DOCK5: variants seen among roughly 807,000 people sequenced by gnomAD.
DOCK5 encodes dedicator of cytokinesis 5.
In DOCK5, 142 loss-of-function variants were observed where a neutral mutation model predicts 251.8. The observed-to-expected ratio is 0.56, with a 90% CI of 0.49 to 0.65. DOCK5 has a LOEUF of 0.65. Ranked by LOEUF, DOCK5 falls within the 30% of genes least tolerant of loss-of-function variation. The probability of loss-of-function intolerance (pLI) is 0.00; values close to 1 mark genes in which losing one functional copy is unlikely to be tolerated. For synonymous variants in DOCK5, 842 were observed against 835.5 expected, an observed-to-expected ratio of 1.01 and a Z score of -0.13; for missense variants, 2,111 against 2,312.3, an observed-to-expected ratio of 0.91 and a Z score of 1.79.
intron 3 of DOCK5, among the ~76,000 whole-genome samples, chr8:25,273,913 C>T (rs901470301): frequency 4.6e-5 from 7 of 152,128 alleles, no homozygotes; most frequent in Non-Finnish European, 7.3e-5. Flanking sequence ...TCATCAGTAA[C>T]GGGATTAGAA....
chr8:25,252,968 A>C (rs1406714455), intron 2 of DOCK5, among the ~76,000 whole-genome samples: 1 of 152,110 alleles, frequency 6.6e-6, no homozygotes, highest in African/African-American at 2.4e-5. Context: ...AGTAGCTGGG[A>C]TTACAGGCAC....
chr8:25,410,939 A>ATG (rs763758410), intron 51 of DOCK5, among the ~76,000 whole-genome samples: 8 of 102,062 alleles, frequency 7.8e-5, no homozygotes, highest in African/African-American at 2.6e-4. Context: ...GAGAGAGAAA[A>ATG]TGTGTGTGTG....
At chr8:25,266,260 G>A (rs1803746171) in intron 2 of DOCK5, among the ~76,000 whole-genome samples, 1 of 150,630 alleles carries the variant, frequency 6.6e-6, no homozygotes, top group African/African-American at 2.5e-5. Context: ...CTTTCACCCA[G>A]GCCAGAGTGC....
At chr8:25,213,669 C>A (rs547449162) in intron 1 of DOCK5, among the ~76,000 whole-genome samples, 1 of 152,182 alleles carries the variant, frequency 6.6e-6, no homozygotes, top group Non-Finnish European at 1.5e-5. Context: ...TCCTCACCCC[C>A]CAAAGAAAAG....
In DOCK5 at chr8:25,332,675, C is replaced by T. The variant is rs766028471; in HGVS notation, c.2074C>T (p.Leu692Phe). ...EMSDSETYDF[L>F]VFDALVFIIS... ...GTCAGACAGTGAAACCTATGACTTCCTTGTGTTTGACGCACTGGTAAGCAG... is the reference window on the plus strand; with the variant it reads ...GTCAGACAGTGAAACCTATGACTTCTTTGTGTTTGACGCACTGGTAAGCAG... Residue 692 changes from leucine to phenylalanine, a missense_variant, in exon 20 of 52, where the codon CTT (leucine) becomes TTT (phenylalanine). Leu to Phe is a conservative substitution (Grantham distance 22, BLOSUM62 0). Transcript: ENST00000276440. 2 of 1,612,106 alleles carry T rather than the reference C, an allele frequency of 1.2e-6. No homozygotes were observed. The highest frequency in any genetic ancestry group is 1.7e-6 in the Non-Finnish European group (2 of 1,179,202).
At chr8:25,190,908 C>T (rs922081241) in intron 1 of DOCK5, among the ~76,000 whole-genome samples, 122 of 151,528 alleles carry the variant, frequency 8.1e-4, no homozygotes, top group Non-Finnish European at 2.7e-4. Context: ...CTCAGCCTCC[C>T]GCATAGCTGT....
intron 1 of DOCK5, among the ~76,000 whole-genome samples, chr8:25,187,963 T>C (rs1157072697): frequency 6.6e-6 from 1 of 152,218 alleles, no homozygotes; most frequent in Non-Finnish European, 1.5e-5. Context: ...TCCTGGACTG[T>C]GCCATCCTTG....
chr8:25,188,432 G>T (rs1327937057), intron 1 of DOCK5, among the ~76,000 whole-genome samples: 1 of 152,230 alleles, frequency 6.6e-6, no homozygotes, highest in African/African-American at 2.4e-5. Context: ...GACTTTGCCT[G>T]TTGTGCTCTA....
chr8:25,344,169 G>T (rs1202514925), intron 25 of DOCK5, among the ~76,000 whole-genome samples: 1 of 152,186 alleles, frequency 6.6e-6, no homozygotes, highest in Non-Finnish European at 1.5e-5. Flanking sequence ...TGCTGGGAGA[G>T]GAGTGGGGCA....
intron 2 of DOCK5, among the ~76,000 whole-genome samples, chr8:25,251,717 G>A (rs923543769): frequency 2.6e-5 from 4 of 152,136 alleles, no homozygotes; most frequent in African/African-American, 9.7e-5. Flanking sequence ...GGCTGGGTGC[G>A]GTAGCTCATG....
chr8:25,267,549 A>G (rs961588640), intron 2 of DOCK5, among the ~76,000 whole-genome samples: 4 of 152,190 alleles, frequency 2.6e-5, no homozygotes, highest in Non-Finnish European at 5.9e-5. Flanking sequence ...AGATGCCAGA[A>G]GTTTTAATTA....
In DOCK5 at chr8:25,306,507, C is replaced by CCATCCTGGCTAA. The variant is rs557771978; in HGVS notation, c.1049+2182_1049+2183insTCCTGGCTAACA. Among the ~76,000 whole-genome samples the CCATCCTGGCTAA allele has an allele frequency of 1.7e-4, 26 of 151,954 alleles. No individual in the cohort carries two copies. The East Asian group carries it at 2.7e-3, about 16-fold the overall frequency. ...AGATCACAAGGTCAGGAGATCGAGA[C>CCATCCTGGCTAA]CACGGTGAAACCCTGTCTCTACTAA... On this transcript the variant is annotated intron_variant, in intron 11 of 51. Transcript: ENST00000276440.
intron 2 of DOCK5, among the ~76,000 whole-genome samples, chr8:25,260,810 T>A (rs988149156): frequency 3.3e-5 from 5 of 150,772 alleles, no homozygotes; most frequent in East Asian, 1.9e-4. Flanking sequence ...TTTTTTTTTT[T>A]AAACGGACAG....
At chr8:25,316,024 C>T (rs1047168074) in intron 13 of DOCK5, among the ~76,000 whole-genome samples, 2 of 151,960 alleles carry the variant, frequency 1.3e-5, no homozygotes, top group Non-Finnish European at 2.9e-5. Context: ...ACATTTATTC[C>T]AAGTTTCTTT....
chr8:25,378,139 C>T lies in DOCK5; in HGVS notation c.3936+715C>T, dbSNP rs183852309. 4.5e-4 allele frequency among the ~76,000 whole-genome samples: 68 copies of T among 152,268 alleles called. No individual in the cohort carries two copies. In the East Asian group the frequency reaches 9.8e-3, roughly 22 times the overall value. ...TTGTCCCTGAAGATTGGGCTGATATCGCATGGCTCACAGCCCTAACCTTCT... is the reference window on the plus strand; with the variant it reads ...TTGTCCCTGAAGATTGGGCTGATATTGCATGGCTCACAGCCCTAACCTTCT... On this transcript the variant is annotated intron_variant, in intron 38 of 51. Coordinates refer to ENST00000276440, the MANE Select transcript of DOCK5 (RefSeq NM_024940.8).
intron 5 of DOCK5, among the ~76,000 whole-genome samples, chr8:25,280,288 G>T (rs1804156788): frequency 6.6e-6 from 1 of 152,118 alleles, no homozygotes; most frequent in African/African-American, 2.4e-5. Flanking sequence ...GGCTTTGTTT[G>T]TCTCAATTTT....
At chr8:25,308,297 T>G (rs962103007) in intron 11 of DOCK5, among the ~76,000 whole-genome samples, 8 of 152,080 alleles carry the variant, frequency 5.3e-5, no homozygotes, top group Admixed American at 5.2e-4. Context: ...GCATATACAC[T>G]GTGCTTATAT....
intron 1 of DOCK5, among the ~76,000 whole-genome samples, chr8:25,234,199 C>T (rs1055301219): frequency 1.3e-5 from 2 of 152,196 alleles, no homozygotes; most frequent in Non-Finnish European, 2.9e-5. Flanking sequence ...AGAGGATAAT[C>T]GGTGACATCC....
chr8:25,379,084 G>A (rs767801370), intron 38 of DOCK5, among the ~76,000 whole-genome samples: 2 of 152,098 alleles, frequency 1.3e-5, no homozygotes, highest in Non-Finnish European at 1.5e-5. Context: ...CAGGACAAAG[G>A]GCAAAAGGCA....
Sources: allele counts gnomAD v4.1 joint callset (sites outside exome capture counted in the v4.1 genomes callset), GRCh38; gene constraint gnomAD v4.1.1; transcripts MANE v1.5; gene names NCBI Gene and HGNC (gene_info 2026-07-23, HGNC 2026-07-21).